PABPN1L: variants seen among roughly 807,000 people sequenced by gnomAD.
The protein encoded by PABPN1L is PABPN1 like, cytoplasmic.
PABPN1L carries 45 observed loss-of-function variants against 34.0 expected under a neutral mutation model. That is an observed-to-expected ratio of 1.32 (90% CI 1.04 to 1.70). The LOEUF (loss-of-function observed/expected upper bound fraction) is 1.70, where lower values mean the gene tolerates loss of function less well. Ranked by LOEUF, PABPN1L falls within the 40% of genes most tolerant of loss-of-function variation. The pLI, the probability that PABPN1L is intolerant of heterozygous loss-of-function variation, is 0.00. For missense variants in PABPN1L, 459 were observed against 367.8 expected (o/e 1.25, Z -2.03); for synonymous variants, 182 against 152.1 (o/e 1.20, Z -1.45).
At chr16:88,868,810 C>T (rs1232959750), upstream of PABPN1L, among the ~76,000 whole-genome samples, 2 of 152,166 alleles carry the variant, frequency 1.3e-5, no homozygotes, top group Non-Finnish European at 2.9e-5. Flanking sequence ...AATTACGTAG[C>T]CCCACGCTCA....
At chr16:88,870,066 C>T (rs74035878), upstream of PABPN1L, among the ~76,000 whole-genome samples, 8,496 of 152,136 alleles carry the variant, frequency 0.056, 775 homozygotes, top group African/African-American at 0.19. Context: ...TGTCCACCCT[C>T]AGGTCCCCTG....
upstream of PABPN1L, among the ~76,000 whole-genome samples, chr16:88,867,940 T>C (rs1020348267): frequency 6.6e-6 from 1 of 152,184 alleles, no homozygotes; most frequent in Non-Finnish European, 1.5e-5. Flanking sequence ...GAGGCCATCC[T>C]CTCTGTGACT....
At chr16:88,864,110 C>G (rs1968518774) in intron 6 of PABPN1L, 127 bp downstream of exon 6, 1 of 1,300,196 alleles carries the variant, frequency 7.7e-7, no homozygotes, top group South Asian at 1.5e-5. Flanking sequence ...AGCCACAGCC[C>G]TCACCCAGGC....
chr16:88,865,176 C>G, intron 3 of PABPN1L, 48 bp from the exon 4 acceptor site: 2 of 1,528,412 alleles, frequency 1.3e-6, no homozygotes, highest in Non-Finnish European at 1.8e-6. Context: ...CTGGCCCTGA[C>G]TCGGGGCCTT....
chr16:88,863,557 G>A (rs1265215048), exon 7 of PABPN1L: 1 of 707,746 alleles, frequency 1.4e-6, no homozygotes. Flanking sequence ...GTGACTCGTG[G>A]CTGTGGCCTT....
At chr16:88,867,067 AGCAGAGACC>A (rs1968619926), upstream of PABPN1L, among the ~76,000 whole-genome samples, 1 of 152,148 alleles carries the variant, frequency 6.6e-6, no homozygotes, top group South Asian at 2.1e-4. Context: ...GCAGGGCCTG[AGCAGAGACC>A]GAGAGCAGGT....
rs1555528294 is a variant in PABPN1L, at chr16:88,864,955, A to AG, written c.567-16dup. 11 of 1,250,130 alleles carry AG rather than the reference A, an allele frequency of 8.8e-6. No homozygotes were observed. Among genetic ancestry groups the AG allele is most frequent in the South Asian group, 2.4e-5 (2 of 82,282 alleles). The allele number at this position is 1,250,130 out of a possible 1,614,324, so 77.4% of individuals were successfully genotyped here. A position where few individuals can be genotyped will look rare whatever the true frequency, so the allele number is the denominator to read the frequency against. On this transcript the variant is annotated splice_polypyrimidine_tract_variant and intron_variant, in intron 4 of 6. Coordinates refer to ENST00000419291, the Ensembl canonical transcript of PABPN1L. ...TGTAGGCATAACTGAGGGGAGGGGC[A>AG]GGGAGGGGAGGGGTGAGGCTGGGCC... is the stretch of plus-strand genomic sequence containing the variant.
chr16:88,866,780 C>T (rs1968614473), upstream of PABPN1L: 8 of 884,064 alleles, frequency 9.0e-6, no homozygotes, highest in South Asian at 4.0e-5. Context: ...CTCCCGGCCC[C>T]GCCCCTTCCC....
chr16:88,865,594 TC>T lies in PABPN1L; in HGVS notation c.427del (p.Glu143ArgfsTer51). On this transcript the variant is annotated frameshift_variant, in exon 3 of 7. Transcript: ENST00000419291. LOFTEE classifies it high-confidence loss of function. Reference sequence around the variant, plus strand: ...CACGTAGACGGATCTGTGGTCAGCCTCCACCTTCTCCTCGGGGGTCCCAGAG... The same window carrying T: ...CACGTAGACGGATCTGTGGTCAGCCTCACCTTCTCCTCGGGGGTCCCAGAG... 6.2e-7 allele frequency: 1 copy of T among 1,611,356 alleles called. No individual in the cohort carries two copies. Among genetic ancestry groups the T allele is most frequent in the Non-Finnish European group, 8.5e-7 (1 of 1,179,280 alleles).
At chr16:88,864,364 T>A (rs1464944927) in exon 6 of PABPN1L, 1 of 1,555,690 alleles carries the variant, frequency 6.4e-7, no homozygotes, top group Non-Finnish European at 8.7e-7. Context: ...GGGAAGTTGG[T>A]TCTTTTCGGC....
intron 3 of PABPN1L, 43 bp downstream of exon 3, chr16:88,865,520 G>T: frequency 1.3e-6 from 2 of 1,588,342 alleles, no homozygotes; most frequent in Non-Finnish European, 1.7e-6. Flanking sequence ...GTAGAGATGG[G>T]GCCCCATTCG....
At chr16:88,866,746 G>A (rs1055725892), upstream of PABPN1L, 8 of 1,229,002 alleles carry the variant, frequency 6.5e-6, no homozygotes, top group Non-Finnish European at 6.5e-6. Flanking sequence ...CAAAGGCTGA[G>A]TGGGGCTGAG....
upstream of PABPN1L, among the ~76,000 whole-genome samples, chr16:88,867,019 A>T (rs9927176): frequency 0.089 from 13,583 of 152,186 alleles, 1,377 homozygotes; most frequent in African/African-American, 0.25. Flanking sequence ...AGTACCAGGG[A>T]CCAAGCAGGC....
At chr16:88,867,841 G>T (rs74035874), upstream of PABPN1L, among the ~76,000 whole-genome samples, 576 of 152,216 alleles carry the variant, frequency 3.8e-3, 4 homozygotes, top group African/African-American at 0.013. Context: ...CTCTGTGAAG[G>T]ACTCGGGGCC....
intron 6 of PABPN1L, 81 bp downstream of exon 6, chr16:88,864,156 G>A (rs1315508940): frequency 1.5e-5 from 22 of 1,454,106 alleles, no homozygotes; most frequent in East Asian, 7.6e-5. Flanking sequence ...CATGAGGAAC[G>A]AGCTCAGGGA....
At chr16:88,866,681 T>G, upstream of PABPN1L, 2 of 1,448,998 alleles carry the variant, frequency 1.4e-6, no homozygotes, top group Admixed American at 2.6e-5. Context: ...CTGCCCAGGC[T>G]CTCCTGGAGT....
At chr16:88,865,438 G>A (rs747119121) in intron 3 of PABPN1L, 125 bp downstream of exon 3, 216 of 1,216,114 alleles carry the variant, frequency 1.8e-4, no homozygotes, top group Non-Finnish European at 2.3e-4. Flanking sequence ...TCAAGGTGAC[G>A]GGGCTGCCCC....
chr16:88,868,617 A>C (rs1474393881), upstream of PABPN1L, among the ~76,000 whole-genome samples: 2 of 151,940 alleles, frequency 1.3e-5, no homozygotes, highest in Non-Finnish European at 2.9e-5. Context: ...AAACAAAAAC[A>C]AAAAAACCCA....
upstream of PABPN1L, among the ~76,000 whole-genome samples, chr16:88,867,119 CG>C (rs1348567302): frequency 6.6e-6 from 1 of 151,668 alleles, no homozygotes; most frequent in Non-Finnish European, 1.5e-5. Context: ...CAGGTTGGGG[CG>C]GGGTCCTGGG....
Sources: gnomAD v4.1 joint callset for allele counts (sites outside exome capture counted in the v4.1 genomes callset) on GRCh38, gnomAD v4.1.1 for gene constraint, MANE v1.5 for transcripts, NCBI Gene and HGNC (gene_info 2026-07-23, HGNC 2026-07-21) for gene names.